ROBO2: variants seen among roughly 807,000 people sequenced by gnomAD.
ROBO2 encodes the protein roundabout homolog 2.
ROBO2 carries 53 observed loss-of-function variants against 160.8 expected under a neutral mutation model. The ratio of observed to expected loss-of-function variants is 0.33; its 90% CI spans 0.26 to 0.41. The LOEUF is 0.41. Ranked by LOEUF, ROBO2 falls within the 10% of genes least tolerant of loss-of-function variation. The probability of loss-of-function intolerance (pLI) is 1.00; values close to 1 mark genes in which losing one functional copy is unlikely to be tolerated. For synonymous variants in ROBO2, 664 were observed against 611.7 expected (o/e 1.09, Z -1.26); for missense variants, 1,577 against 1,722.4 (o/e 0.92, Z 1.49).
At chr3:75,998,579 T>G (rs1423248301) in intron 2 of ROBO2, among the ~76,000 whole-genome samples, 21 of 152,182 alleles carry the variant, frequency 1.4e-4, no homozygotes, top group Admixed American at 1.4e-3. Context: ...TCCTAAGTAT[T>G]TATATGTTTA....
At chr3:77,521,141 A>G (rs1377276617) in intron 5 of ROBO2, among the ~76,000 whole-genome samples, 1 of 151,152 alleles carries the variant, frequency 6.6e-6, no homozygotes, top group Non-Finnish European at 1.5e-5. Context: ...GCTCACACTC[A>G]CTCCACGAAA....
chr3:76,111,383 G>C (rs1029039926), intron 2 of ROBO2, among the ~76,000 whole-genome samples: 7 of 151,994 alleles, frequency 4.6e-5, no homozygotes, highest in Non-Finnish European at 8.8e-5. Context: ...TTGATACAAT[G>C]ATATTGAGCT....
intron 2 of ROBO2, among the ~76,000 whole-genome samples, chr3:76,285,493 C>A (rs879739812): frequency 8.5e-4 from 129 of 151,960 alleles, no homozygotes; most frequent in African/African-American, 2.5e-3. Flanking sequence ...ATATATTTTA[C>A]TATTAAAATA....
At position 76,005,692 on chromosome 3, in the gene ROBO2, G is replaced by C. The variant is rs112429035; in HGVS notation, c.109+68090G>C. Among the ~76,000 whole-genome samples, 1,142 of 152,184 alleles carry C rather than the reference G, an allele frequency of 7.5e-3. 12 individuals are homozygous for C. Among genetic ancestry groups the C allele is most frequent in the African/African-American group, 0.026 (1,078 of 41,524 alleles). On this transcript the variant is annotated intron_variant, in intron 2 of 26. Transcript: ENST00000487694. ...CTTCAGGGGCTAATAAGTGTTTCCAGAGTTACAACAAAATGATCAATACTT... is the reference window on the plus strand; with the variant it reads ...CTTCAGGGGCTAATAAGTGTTTCCACAGTTACAACAAAATGATCAATACTT...
chr3:76,642,507 C>A (rs1041996622), intron 2 of ROBO2, among the ~76,000 whole-genome samples: 1 of 151,874 alleles, frequency 6.6e-6, no homozygotes, highest in Non-Finnish European at 1.5e-5. Flanking sequence ...CATGCGCCAC[C>A]ACGCCCTGCC....
intron 2 of ROBO2, among the ~76,000 whole-genome samples, chr3:76,720,933 G>T (rs552731414): frequency 2.0e-5 from 3 of 152,040 alleles, no homozygotes; most frequent in Admixed American, 2.0e-4. Context: ...TGTCCACTAC[G>T]ACACACAAAA....
chr3:76,589,237 A>G (rs1480595824), intron 2 of ROBO2, among the ~76,000 whole-genome samples: 1 of 152,232 alleles, frequency 6.6e-6, no homozygotes, highest in Non-Finnish European at 1.5e-5. Context: ...TACAAAGTTT[A>G]TCTGTCAGTT....
chr3:76,603,873 A>AATATAC (rs781683696), intron 2 of ROBO2, among the ~76,000 whole-genome samples: 17 of 152,172 alleles, frequency 1.1e-4, no homozygotes, highest in Non-Finnish European at 2.1e-4. Flanking sequence ...GTCAAAATTA[A>AATATAC]ATATACATAT....
At chr3:76,136,558 T>C (rs1170282454) in intron 2 of ROBO2, among the ~76,000 whole-genome samples, 1 of 152,000 alleles carries the variant, frequency 6.6e-6, no homozygotes, top group Non-Finnish European at 1.5e-5. Context: ...TGGGGTATAA[T>C]ATAGGAGTGC....
chr3:76,867,005 A>T (rs142371888), intron 2 of ROBO2, among the ~76,000 whole-genome samples: 2 of 152,252 alleles, frequency 1.3e-5, no homozygotes, highest in Admixed American at 1.3e-4. Context: ...GAACCATCTG[A>T]CAACGTAACA....
At chr3:76,094,363 T>A (rs1345712439) in intron 2 of ROBO2, among the ~76,000 whole-genome samples, 1 of 152,212 alleles carries the variant, frequency 6.6e-6, no homozygotes, top group South Asian at 2.1e-4. Context: ...CCAGCAAATC[T>A]TCCCAACAAC....
At chr3:75,925,594 C>T (rs1278207218) in intron 1 of ROBO2, among the ~76,000 whole-genome samples, 17 of 152,030 alleles carry the variant, frequency 1.1e-4, no homozygotes. Context: ...TCCAATACTT[C>T]CAGGGAGGGT....
chr3:76,386,519 T>G (rs2076898614), intron 2 of ROBO2, among the ~76,000 whole-genome samples: 1 of 151,896 alleles, frequency 6.6e-6, no homozygotes, highest in Non-Finnish European at 1.5e-5. Flanking sequence ...TTTTTAAGGG[T>G]TTTTTAGGGG....
chr3:76,120,493 A>T (rs1448408945), intron 2 of ROBO2, among the ~76,000 whole-genome samples: 3 of 152,148 alleles, frequency 2.0e-5, no homozygotes, highest in Non-Finnish European at 4.4e-5. Context: ...TGGTTTCTAT[A>T]TGGGCTACAG....
chr3:76,732,995 G>T lies in ROBO2; in HGVS notation c.110-365019G>T, dbSNP rs1363012975. On this transcript the variant is annotated intron_variant, in intron 2 of 26. Coordinates refer to the ROBO2 transcript ENST00000487694. Reference sequence around the variant, plus strand: ...GATGACATTTCAGTTGACTGGGGGTGGGGGGGGGAGGTGTTTCTCAGGTAA... The same window carrying T: ...GATGACATTTCAGTTGACTGGGGGTTGGGGGGGGAGGTGTTTCTCAGGTAA... Among the ~76,000 whole-genome samples the T allele has an allele frequency of 4.0e-5, 4 of 98,900 alleles. No individual in the cohort carries two copies. The East Asian group carries it at 9.9e-4, about 24-fold the overall frequency. The allele number at this position is 98,900 out of a possible 152,430, so 64.9% of individuals were successfully genotyped here. A position where few individuals can be genotyped will look rare whatever the true frequency, so the allele number is the denominator to read the frequency against.
chr3:75,980,024 A>G (rs1336929016), intron 2 of ROBO2, among the ~76,000 whole-genome samples: 1 of 151,582 alleles, frequency 6.6e-6, no homozygotes, highest in Non-Finnish European at 1.5e-5. Context: ...ACATTTTTCA[A>G]GTTATATAAA....
intron 1 of ROBO2, among the ~76,000 whole-genome samples, chr3:77,084,878 C>T: frequency 6.6e-6 from 1 of 152,094 alleles, no homozygotes. Context: ...AAAATAAGCT[C>T]TTTTTTCTCT....
At chr3:76,823,297 A>G (rs1293553621) in intron 2 of ROBO2, among the ~76,000 whole-genome samples, 1 of 152,122 alleles carries the variant, frequency 6.6e-6, no homozygotes, top group African/African-American at 2.4e-5. Flanking sequence ...CCAAGGACAC[A>G]TGGTTCCTTT....
chr3:77,364,990 C>T (rs2070628603), intron 2 of ROBO2, among the ~76,000 whole-genome samples: 1 of 151,734 alleles, frequency 6.6e-6, no homozygotes, highest in Non-Finnish European at 1.5e-5. Context: ...ACTAAAAATA[C>T]AAAAATTAGC....
Sources: allele counts gnomAD v4.1 joint callset (sites outside exome capture counted in the v4.1 genomes callset), GRCh38; gene constraint gnomAD v4.1.1; transcripts MANE v1.5; gene names NCBI Gene and HGNC (gene_info 2026-07-23, HGNC 2026-07-21).